LRP2: variants seen among roughly 807,000 people sequenced by gnomAD.
The protein encoded by LRP2 is LDL receptor related protein 2.
LRP2 carries 172 observed loss-of-function variants against 531.0 expected under a neutral mutation model. The ratio of observed to expected loss-of-function variants is 0.32; its 90% CI spans 0.29 to 0.37. The LOEUF (loss-of-function observed/expected upper bound fraction) is 0.37, where lower values mean the gene tolerates loss of function less well. LRP2 is among the 10% of genes least tolerant of loss of function. The pLI is 1.00. For synonymous variants in LRP2, 1,992 were observed against 2,027.6 expected, an observed-to-expected ratio of 0.98 and a Z score of 0.47; for missense variants, 5,167 against 5,868.3, an observed-to-expected ratio of 0.88 and a Z score of 3.90.
chr2:169,172,268 C>A (rs1687034365), intron 57 of LRP2, 134 bp from the exon 58 acceptor site: 1 of 1,006,826 alleles, frequency 9.9e-7, no homozygotes, highest in East Asian at 2.6e-5. Flanking sequence ...GGAATGCCAG[C>A]AACATTCATG....
At chr2:169,307,705 G>C (rs1047841994) in intron 3 of LRP2, among the ~76,000 whole-genome samples, 21 of 152,054 alleles carry the variant, frequency 1.4e-4, no homozygotes, top group African/African-American at 5.1e-4. Context: ...GCAAGTATAG[G>C]TATTAACCAA....
intron 9 of LRP2, among the ~76,000 whole-genome samples, chr2:169,288,201 C>A (rs1157027879): frequency 3.3e-5 from 5 of 152,106 alleles, no homozygotes; most frequent in Admixed American, 3.3e-4. Context: ...GAAAAAAGAT[C>A]AGAGCACCAA....
intron 7 of LRP2, among the ~76,000 whole-genome samples, 161 bp from the exon 8 acceptor site, chr2:169,291,158 C>A (rs1199760376): frequency 6.6e-6 from 1 of 152,160 alleles, no homozygotes; most frequent in Non-Finnish European, 1.5e-5. Flanking sequence ...TACCACTAGT[C>A]TTTTACTGAG....
intron 14 of LRP2, among the ~76,000 whole-genome samples, chr2:169,273,297 AAAAG>A (rs1223941240): frequency 1.3e-5 from 2 of 152,100 alleles, no homozygotes; most frequent in East Asian, 3.9e-4. Flanking sequence ...GTGGCAAAAA[AAAAG>A]AAAGGACTCC....
chr2:169,273,156 AG>A, intron 14 of LRP2, 89 bp from the exon 15 acceptor site: 1 of 1,443,150 alleles, frequency 6.9e-7, no homozygotes, highest in Non-Finnish European at 9.7e-7. Context: ...TTTCACCTAT[AG>A]GTGAAATAGA....
intron 4 of LRP2, among the ~76,000 whole-genome samples, chr2:169,305,863 T>A (rs577570737): frequency 3.9e-5 from 6 of 152,160 alleles, no homozygotes; most frequent in Non-Finnish European, 7.3e-5. Context: ...AACATTGTGT[T>A]CCAATTGCCT....
chr2:169,146,556 T>C (rs1685919641), intron 69 of LRP2, among the ~76,000 whole-genome samples, 183 bp downstream of exon 69: 1 of 152,182 alleles, frequency 6.6e-6, no homozygotes, highest in Non-Finnish European at 1.5e-5. Context: ...GATTTAATTA[T>C]TGCTAATGAA....
chr2:169,199,983 G>T (rs1235697200), intron 44 of LRP2, among the ~76,000 whole-genome samples: 1 of 152,186 alleles, frequency 6.6e-6, no homozygotes, highest in Non-Finnish European at 1.5e-5. Context: ...GGGTGCAGTG[G>T]CTCACGCCTG....
intron 63 of LRP2, among the ~76,000 whole-genome samples, chr2:169,159,758 A>G (rs979910487): frequency 6.6e-6 from 1 of 152,156 alleles, no homozygotes; most frequent in Non-Finnish European, 1.5e-5. Context: ...ATTAACTTGG[A>G]TATCATTGAG....
intron 4 of LRP2, among the ~76,000 whole-genome samples, chr2:169,306,926 G>T (rs1302003979): frequency 6.6e-6 from 1 of 152,146 alleles, no homozygotes; most frequent in Non-Finnish European, 1.5e-5. Flanking sequence ...TGAGAAATTT[G>T]ACCTAGAAAC....
At chr2:169,241,482 AC>A in intron 24 of LRP2, 117 bp from the exon 25 acceptor site, 1 of 1,057,580 alleles carries the variant, frequency 9.5e-7, no homozygotes, top group South Asian at 1.3e-5. Flanking sequence ...AACAACTATG[AC>A]CAAATTAATA....
intron 1 of LRP2, among the ~76,000 whole-genome samples, chr2:169,328,314 A>C (rs3887612): frequency 0.035 from 1,582 of 44,586 alleles, 28 homozygotes; most frequent in Middle Eastern, 0.088. Flanking sequence ...GCCCGGCCAG[A>C]CGCCCCGTCC....
chr2:169,155,685 T>C (rs1221049053), intron 65 of LRP2, among the ~76,000 whole-genome samples: 1 of 151,586 alleles, frequency 6.6e-6, no homozygotes, highest in Non-Finnish European at 1.5e-5. Context: ...TTTCTCTGTT[T>C]TATTAGGCCC....
chr2:169,212,183 C>G lies in LRP2; in HGVS notation c.6065G>C (p.Cys2022Ser). ...CTGACAGGCATTCATGTTGTTGCTA[C>G]AGCCATTTGAGGATTCGGCGGCATC... ...RRNAAESSNGCSNNMNACQQI... is the reference protein window; with the variant it reads ...RRNAAESSNGSSNNMNACQQI... Residue 2022 changes from cysteine to serine, a missense_variant, in exon 37 of 79, where the codon TGT becomes TCT. This residue lies in a region of LRP2 where 2,811 missense variants were observed against 3,058.0 expected (regional missense o/e 0.92). Transcript: ENST00000649046. The G allele has an allele frequency of 6.2e-7, 1 of 1,614,082 alleles. No homozygotes were observed. The highest frequency in any genetic ancestry group is 1.1e-5 in the South Asian group (1 of 91,080).
intron 69 of LRP2, 98 bp downstream of exon 69, chr2:169,146,641 T>A: frequency 9.7e-7 from 1 of 1,035,884 alleles, no homozygotes; most frequent in East Asian, 2.6e-5. Context: ...ATATAAGCCA[T>A]TTCCTAAGAG....
chr2:169,338,404 G>GAAAGAAAGA (rs1553516032), intron 1 of LRP2, among the ~76,000 whole-genome samples: 1,660 of 103,676 alleles, frequency 0.016, 20 homozygotes, highest in East Asian at 0.059. Flanking sequence ...AAGAAAGAAA[G>GAAAGAAAGA]AAAGAAAAGA....
intron 62 of LRP2, 66 bp from the exon 63 acceptor site, chr2:169,162,666 G>A (rs1260554141): frequency 6.6e-7 from 1 of 1,506,944 alleles, no homozygotes; most frequent in Non-Finnish European, 9.2e-7. Flanking sequence ...TTCCTTCTTT[G>A]ACAGAGACAG....
chr2:169,280,497 G>A lies in LRP2; in HGVS notation c.1194C>T (p.Phe398=). The change falls in exon 11 of 79, where the codon TTC becomes TTT. Residue 398 remains phenylalanine, a synonymous_variant. Coordinates refer to ENST00000649046, the MANE Select transcript of LRP2 (RefSeq NM_004525.3). The part of the protein sequence containing the change: ...NDSFGEASII[F]SNGRDLLIGD... The stretch of plus-strand genomic sequence containing the variant: ...CAATTAACAAATCCCGACCATTGGA[G>A]AAGATAATGGAGGCCTCGCCAACTA... 2 of 1,614,172 alleles carry A rather than the reference G, an allele frequency of 1.2e-6. No individual in the cohort carries two copies. Among genetic ancestry groups the A allele is most frequent in the East Asian group, 4.5e-5 (2 of 44,876 alleles).
Position 169,137,511 on chromosome 2 carries a change from A to AAGAGAGAGAGAGAG in LRP2, c.13519-32_13519-19dup. 1 of 1,275,218 alleles carries AAGAGAGAGAGAGAG rather than the reference A, an allele frequency of 7.8e-7. No homozygotes were observed. The highest frequency in any genetic ancestry group is 1.1e-6 in the Non-Finnish European group (1 of 879,046). The allele number at this position is 1,275,218 out of a possible 1,614,324, so 79.0% of individuals were successfully genotyped here. A position where few individuals can be genotyped will look rare whatever the true frequency, so the allele number is the denominator to read the frequency against. On this transcript the variant is annotated intron_variant, in intron 75 of 78. Coordinates refer to ENST00000649046, the MANE Select transcript of LRP2 (RefSeq NM_004525.3). ...TCTTCACTCTGATGGCAGAGACAGA[A>AAGAGAGAGAGAGAG]AGAGAGAGAGAGAGAGAGAGAGAAA... is the stretch of plus-strand genomic sequence containing the variant.
Sources: gnomAD v4.1 joint callset for allele counts (sites outside exome capture counted in the v4.1 genomes callset) on GRCh38, gnomAD v4.1.1 for gene constraint, gnomAD v4.1.1 regional missense constraint, MANE v1.5 for transcripts, NCBI Gene and HGNC (gene_info 2026-07-23, HGNC 2026-07-21) for gene names.